Variants in PCDH15 observed in about 807,000 individuals in gnomAD.
PCDH15 encodes the protein protocadherin-15.
Under a neutral mutation model 178.5 loss-of-function variants are expected in PCDH15, and 129 were observed. The ratio of observed to expected loss-of-function variants is 0.72; its 90% confidence interval spans 0.63 to 0.84. The LOEUF is 0.84. Ranked by LOEUF, PCDH15 falls within the 40% of genes least tolerant of loss-of-function variation. PCDH15 has a pLI of 0.00. For missense variants in PCDH15, 2,230 were observed against 2,099.9 expected, an observed-to-expected ratio of 1.06 and a Z score of -1.21; for synonymous variants, 800 against 732.0, an observed-to-expected ratio of 1.09 and a Z score of -1.50.
chr10:55,558,475 C>T (rs2132095715), intron 2 of PCDH15, among the ~76,000 whole-genome samples: 1 of 152,214 alleles, frequency 6.6e-6, no homozygotes, highest in Admixed American at 6.6e-5. Context: ...ACTGCATTAA[C>T]TCAAAGAACT....
chr10:54,283,920 T>G (rs2132788599), intron 8 of PCDH15, among the ~76,000 whole-genome samples: 1 of 152,186 alleles, frequency 6.6e-6, no homozygotes, highest in East Asian at 1.9e-4. Context: ...ACAATCAGAG[T>G]TCACTGGAGC....
At chr10:54,247,244 T>A (rs2056037289) in intron 8 of PCDH15, among the ~76,000 whole-genome samples, 1 of 151,966 alleles carries the variant, frequency 6.6e-6, no homozygotes, top group African/African-American at 2.4e-5. Flanking sequence ...CTTATCTATT[T>A]CCATAGATAA....
chr10:54,194,610 ATG>A (rs33956261), intron 11 of PCDH15, among the ~76,000 whole-genome samples: 215 of 150,824 alleles, frequency 1.4e-3, no homozygotes, highest in African/African-American at 4.1e-3. Context: ...TTTTATATAT[ATG>A]TGTGTGTGTG....
intron 2 of PCDH15, among the ~76,000 whole-genome samples, chr10:55,495,225 C>T (rs192065197): frequency 1.2e-3 from 183 of 151,750 alleles, no homozygotes; most frequent in African/African-American, 4.2e-3. Flanking sequence ...ACCAAAATTA[C>T]AATCAATGGA....
chr10:54,499,842 T>C (rs368532761), intron 3 of PCDH15, among the ~76,000 whole-genome samples: 20 of 152,010 alleles, frequency 1.3e-4, no homozygotes, highest in African/African-American at 9.7e-5. Context: ...CAGAATGACA[T>C]TGAGATGTGA....
At chr10:54,808,729 T>A (rs1393377476) in intron 3 of PCDH15, among the ~76,000 whole-genome samples, 1 of 152,182 alleles carries the variant, frequency 6.6e-6, no homozygotes, top group Non-Finnish European at 1.5e-5. Context: ...TTTCATAATT[T>A]CCATAGCAAC....
At chr10:53,973,673 G>T (rs1430108941) in intron 21 of PCDH15, among the ~76,000 whole-genome samples, 1 of 152,024 alleles carries the variant, frequency 6.6e-6, no homozygotes, top group Non-Finnish European at 1.5e-5. Flanking sequence ...AAATCTTGAG[G>T]TCATTAGTTA....
At chr10:54,592,993 C>T (rs1435388802) in intron 2 of PCDH15, among the ~76,000 whole-genome samples, 3 of 152,068 alleles carry the variant, frequency 2.0e-5, no homozygotes, top group Non-Finnish European at 4.4e-5. Context: ...TAGCTGTTTG[C>T]CATTTGTACA....
At chr10:53,828,633 A>G in intron 30 of PCDH15, 60 bp from the exon 31 acceptor site, 1 of 1,262,230 alleles carries the variant, frequency 7.9e-7, no homozygotes, top group Non-Finnish European at 1.2e-6. Context: ...TTGCATTAAT[A>G]ACATTTTAAC....
chr10:54,607,071 A>G (rs970613465), intron 2 of PCDH15: 9 of 152,150 alleles, frequency 5.9e-5, no homozygotes, highest in Non-Finnish European at 1.0e-4. Flanking sequence ...ATTTATTAAC[A>G]TAAGTAATAA....
At chr10:54,981,261 A>G (rs1839225450) in intron 2 of PCDH15, among the ~76,000 whole-genome samples, 1 of 152,138 alleles carries the variant, frequency 6.6e-6, no homozygotes, top group Admixed American at 6.6e-5. Flanking sequence ...TGTAAACCCC[A>G]TGGATGTGTT....
intron 14 of PCDH15, among the ~76,000 whole-genome samples, chr10:54,139,889 T>C (rs1188326502): frequency 2.0e-5 from 3 of 152,064 alleles, no homozygotes; most frequent in Non-Finnish European, 2.9e-5. Flanking sequence ...GTATGGTGAA[T>C]GTTTGTCCAA....
intron 3 of PCDH15, among the ~76,000 whole-genome samples, chr10:54,808,632 CA>C: frequency 6.6e-6 from 1 of 152,264 alleles, no homozygotes; most frequent in East Asian, 1.9e-4. Flanking sequence ...CAGCTAGTTC[CA>C]AAATGTATAA....
intron 1 of PCDH15, among the ~76,000 whole-genome samples, chr10:54,697,515 GTATATATA>G (rs141387823): frequency 7.0e-6 from 1 of 143,056 alleles, no homozygotes; most frequent in African/African-American, 2.6e-5. Context: ...TGAAATGTGT[GTATATATA>G]TATATATATA....
intron 2 of PCDH15, among the ~76,000 whole-genome samples, chr10:55,086,711 A>G (rs543252832): frequency 6.6e-6 from 1 of 152,214 alleles, no homozygotes; most frequent in South Asian, 2.1e-4. Context: ...TCCCAAAATG[A>G]CACACAGTCA....
chr10:55,222,340 C>A (rs1294596524), intron 1 of PCDH15, among the ~76,000 whole-genome samples: 1 of 151,620 alleles, frequency 6.6e-6, no homozygotes, highest in Non-Finnish European at 1.5e-5. Flanking sequence ...TGGGTGTATT[C>A]CATTATCAAA....
At chr10:55,201,834 T>C (rs1364436307) in intron 1 of PCDH15, among the ~76,000 whole-genome samples, 1 of 152,178 alleles carries the variant, frequency 6.6e-6, no homozygotes, top group Non-Finnish European at 1.5e-5. Context: ...AATAATACCT[T>C]TAATAAATAG....
intron 2 of PCDH15, among the ~76,000 whole-genome samples, chr10:55,386,148 T>C (rs1837653601): frequency 6.6e-6 from 1 of 151,976 alleles, no homozygotes; most frequent in South Asian, 2.1e-4. Flanking sequence ...ATATGTATAA[T>C]TTACCTAGAC....
At chr10:54,175,437 AGCAACAAATATT>A (rs2047343269) in intron 13 of PCDH15, among the ~76,000 whole-genome samples, 1 of 152,236 alleles carries the variant, frequency 6.6e-6, no homozygotes, top group Non-Finnish European at 1.5e-5. Context: ...CAGATAAGGT[AGCAACAAATATT>A]AATAATCATA....
Sources: gnomAD v4.1 joint callset for allele counts (sites outside exome capture counted in the v4.1 genomes callset) on GRCh38, gnomAD v4.1.1 for gene constraint, MANE v1.5 for transcripts, NCBI Gene and HGNC (gene_info 2026-07-23, HGNC 2026-07-21) for gene names.